The following RBMS3 variants were observed in gnomAD, a reference collection of about 807,000 sequenced individuals.
The protein encoded by RBMS3 is RNA binding motif single stranded interacting protein 3.
In RBMS3, 27 loss-of-function variants were observed where a neutral mutation model predicts 66.8. That is an observed-to-expected ratio of 0.40 (90% confidence interval 0.30 to 0.56). The LOEUF (loss-of-function observed/expected upper bound fraction) is 0.56, where lower values mean the gene tolerates loss of function less well. Among genes scored for constraint, RBMS3 ranks in the 20% least tolerant of loss-of-function variants. RBMS3 has a pLI of 0.40. For missense variants in RBMS3, 513 were observed against 549.5 expected, an observed-to-expected ratio of 0.93 and a Z score of 0.66; for synonymous variants, 188 against 183.0, an observed-to-expected ratio of 1.03 and a Z score of -0.22.
intron 12 of RBMS3, among the ~76,000 whole-genome samples, chr3:29,966,240 ACT>A (rs1336583668): frequency 1.3e-5 from 2 of 151,678 alleles, no homozygotes; most frequent in Non-Finnish European, 2.9e-5. Flanking sequence ...GTTTTTTCTA[ACT>A]CTGTGAAAAT....
intron 4 of RBMS3, among the ~76,000 whole-genome samples, chr3:29,654,181 G>A (rs538622253): frequency 1.3e-5 from 2 of 152,120 alleles, no homozygotes; most frequent in Admixed American, 1.3e-4. Context: ...AAAATTGGCA[G>A]AAACACTCTG....
At chr3:29,711,801 G>A (rs754440279) in intron 4 of RBMS3, among the ~76,000 whole-genome samples, 1 of 152,154 alleles carries the variant, frequency 6.6e-6, no homozygotes, top group Non-Finnish European at 1.5e-5. Flanking sequence ...TTTTGTGGTT[G>A]AGCAAACATC....
rs1020914565 is a variant in RBMS3 at position 30,006,116 on chromosome 3, ACT to A, written c.*2257_*2258del. ...GAATCCTTTGAATCAAATAGGTGAA[ACT>A]CTTTTCAAAAACTAAGTCAGTCACA... is the stretch of plus-strand genomic sequence containing the variant. On this transcript the variant is annotated 3_prime_UTR_variant, in exon 15 of 15. Transcript: ENST00000383767. 2 of 151,764 alleles carry A rather than the reference ACT, an allele frequency of 1.3e-5. No individual in the cohort carries two copies. The highest frequency in any genetic ancestry group is 4.8e-5 in the African/African-American group (2 of 41,368). 9.4% of individuals were successfully genotyped at this position (151,764 alleles called of 1,614,324 possible). A position where few individuals can be genotyped will look rare whatever the true frequency, so the allele number is the denominator to read the frequency against.
intron 14 of RBMS3, chr3:29,991,480 T>A (rs1698870332): frequency 2.4e-6 from 1 of 421,324 alleles, no homozygotes; most frequent in Non-Finnish European, 4.3e-6. Context: ...GGATGTGTGA[T>A]GGAAGTGACT....
intron 12 of RBMS3, among the ~76,000 whole-genome samples, chr3:29,972,403 G>A (rs1289454664): frequency 6.6e-6 from 1 of 151,742 alleles, no homozygotes; most frequent in East Asian, 1.9e-4. Context: ...CCAACTTTTT[G>A]TTTTCTATTA....
chr3:29,448,069 A>G (rs1211577985), intron 2 of RBMS3, among the ~76,000 whole-genome samples: 1 of 152,194 alleles, frequency 6.6e-6, no homozygotes, highest in South Asian at 2.1e-4. Flanking sequence ...CATGGGACAA[A>G]CAAGAGACAT....
At chr3:29,520,471 G>A (rs13081014) in intron 3 of RBMS3, among the ~76,000 whole-genome samples, 25,219 of 152,058 alleles carry the variant, frequency 0.17, 2,706 homozygotes, top group East Asian at 0.47. Context: ...TTCGTTAGCT[G>A]TTTTATCTTG....
intron 1 of RBMS3, among the ~76,000 whole-genome samples, chr3:29,285,351 T>C (rs1269756609): frequency 6.6e-6 from 1 of 151,946 alleles, no homozygotes; most frequent in African/African-American, 2.4e-5. Flanking sequence ...GCCCGGTGAA[T>C]TGATTTTTTT....
intron 8 of RBMS3, among the ~76,000 whole-genome samples, chr3:29,892,505 A>G (rs768029867): frequency 7.9e-5 from 12 of 151,516 alleles, no homozygotes; most frequent in Admixed American, 1.3e-4. Context: ...GTCTCCAGAC[A>G]TTGCCAAATG....
chr3:29,607,207 T>G (rs2048343500), intron 4 of RBMS3, among the ~76,000 whole-genome samples: 1 of 152,020 alleles, frequency 6.6e-6, no homozygotes, highest in Non-Finnish European at 1.5e-5. Context: ...AGCTATTAAA[T>G]ATTTTATTTA....
At chr3:29,743,604 T>C (rs2054735068) in intron 5 of RBMS3, among the ~76,000 whole-genome samples, 1 of 152,178 alleles carries the variant, frequency 6.6e-6, no homozygotes, top group Admixed American at 6.5e-5. Context: ...CTCTAAAGCT[T>C]TGCCTTAGGT....
intron 2 of RBMS3, among the ~76,000 whole-genome samples, chr3:29,473,343 T>A (rs897693705): frequency 6.6e-5 from 10 of 152,170 alleles, no homozygotes; most frequent in Non-Finnish European, 1.0e-4. Context: ...CCCACCAGAG[T>A]AGCTAGATAC....
chr3:29,969,927 C>A (rs747256305), intron 12 of RBMS3, among the ~76,000 whole-genome samples: 10 of 152,058 alleles, frequency 6.6e-5, no homozygotes, highest in Non-Finnish European at 1.5e-4. Context: ...AGTCATTGAT[C>A]CCTCTTTTAA....
intron 7 of RBMS3, among the ~76,000 whole-genome samples, chr3:29,883,009 C>CATA: frequency 6.6e-6 from 1 of 151,886 alleles, no homozygotes; most frequent in East Asian, 1.9e-4. Context: ...AGTACACTAT[C>CATA]AAAGCCAGGA....
At chr3:29,320,655 T>C (rs768187690) in intron 1 of RBMS3, among the ~76,000 whole-genome samples, 7 of 152,104 alleles carry the variant, frequency 4.6e-5, no homozygotes, top group Non-Finnish European at 8.8e-5. Flanking sequence ...GTTAGTTATT[T>C]ATTAGCAAAC....
intron 14 of RBMS3, among the ~76,000 whole-genome samples, chr3:29,993,596 A>C (rs551981508): frequency 9.2e-5 from 14 of 152,338 alleles, no homozygotes; most frequent in African/African-American, 3.4e-4. Flanking sequence ...GAACCCCTGA[A>C]TAGAGCAAAA....
rs1699734293 is a variant in RBMS3, at chr3:30,004,153, T to C, written c.*291T>C. The C allele has an allele frequency of 3.8e-6, 1 of 264,326 alleles. No homozygotes were observed. The highest frequency in any genetic ancestry group is 5.3e-5 in the Admixed American group (1 of 18,828). 16.4% of individuals were successfully genotyped at this position (264,326 alleles called of 1,614,324 possible). A position where few individuals can be genotyped will look rare whatever the true frequency, so the allele number is the denominator to read the frequency against. Reference sequence around the variant, plus strand: ...AAAAACAAAACATTGAAGGTTGATATTTTATGTGGAAGAACATTTGAATTG... The same window carrying C: ...AAAAACAAAACATTGAAGGTTGATACTTTATGTGGAAGAACATTTGAATTG... On this transcript the variant is annotated 3_prime_UTR_variant, in exon 15 of 15. Coordinates refer to ENST00000383767, the MANE Select transcript of RBMS3 (RefSeq NM_001003793.3).
chr3:29,432,702 A>G (rs987500248), intron 1 of RBMS3, among the ~76,000 whole-genome samples: 6 of 152,192 alleles, frequency 3.9e-5, no homozygotes, highest in Non-Finnish European at 7.3e-5. Context: ...AGCCAAAAAT[A>G]ATTAAATAAG....
intron 4 of RBMS3, among the ~76,000 whole-genome samples, chr3:29,679,844 A>G (rs2051415024): frequency 6.6e-6 from 1 of 151,820 alleles, no homozygotes; most frequent in Non-Finnish European, 1.5e-5. Flanking sequence ...ATCAGCATTA[A>G]TAAAATAGGC....
Sources: gnomAD v4.1 joint callset for allele counts (sites outside exome capture counted in the v4.1 genomes callset) on GRCh38, gnomAD v4.1.1 for gene constraint, MANE v1.5 for transcripts, NCBI Gene and HGNC (gene_info 2026-07-23, HGNC 2026-07-21) for gene names.